Variants in RNF10 observed in about 807,000 individuals in gnomAD.
RNF10 encodes E3 ubiquitin-protein ligase RNF10.
RNF10 carries 38 observed loss-of-function variants against 91.4 expected under a neutral mutation model. That is an observed-to-expected ratio of 0.42 (90% confidence interval 0.32 to 0.54). RNF10 has a LOEUF of 0.54. Ranked by LOEUF, RNF10 falls within the 20% of genes least tolerant of loss-of-function variation. RNF10 has a pLI of 0.16. For synonymous variants in RNF10, 364 were observed against 366.3 expected (o/e 0.99, Z 0.07); for missense variants, 945 against 1,012.0 (o/e 0.93, Z 0.90).
chr12:120,571,020 T>C (rs1210599357), intron 13 of RNF10, among the ~76,000 whole-genome samples, 171 bp from the exon 14 acceptor site: 2 of 152,184 alleles, frequency 1.3e-5, no homozygotes, highest in Non-Finnish European at 2.9e-5. Flanking sequence ...GGTGATATTG[T>C]TGGCTTTTTA....
intron 6 of RNF10, among the ~76,000 whole-genome samples, chr12:120,559,597 A>C (rs1212168816): frequency 3.3e-5 from 5 of 151,814 alleles, no homozygotes; most frequent in Admixed American, 2.6e-4. Context: ...GTTGGCCAGC[A>C]TGGTCTCAAT....
intron 14 of RNF10, among the ~76,000 whole-genome samples, chr12:120,572,696 A>G (rs560833897): frequency 1.1e-4 from 17 of 151,404 alleles, no homozygotes; most frequent in Non-Finnish European, 2.2e-4. Context: ...CCCGGGTTCA[A>G]GCAATTCTCC....
At chr12:120,561,334 A>T (rs1320452094) in intron 7 of RNF10, among the ~76,000 whole-genome samples, 1 of 152,238 alleles carries the variant, frequency 6.6e-6, no homozygotes, top group Non-Finnish European at 1.5e-5. Context: ...GGCAAGAATT[A>T]CACAAGAACA....
rs997273067 is a variant in RNF10 at position 120,546,450 on chromosome 12, A to G, written c.203A>G (p.Glu68Gly). 6.2e-7 allele frequency: 1 copy of G among 1,614,054 alleles called. No homozygotes were observed. Among genetic ancestry groups the G allele is most frequent in the Non-Finnish European group, 8.5e-7 (1 of 1,179,996 alleles). The change falls in exon 2 of 17, where the codon GAA (glutamate) becomes GGA (glycine). Residue 68 changes from glutamate to glycine, a missense_variant. By Grantham distance (98) the Glu-to-Gly change is moderately conservative. Transcript: ENST00000325954. ...TCCAAGCGTTATAATCGCAAACGTG[A>G]ACTTTCCTACCCCAAAAATGAAAGT... The part of the protein sequence containing the change: ...SGSKRYNRKR[E>G]LSYPKNESFN...
In RNF10 at chr12:120,552,333, G is replaced by C. The variant is rs143295112; in HGVS notation, c.355-166G>C. Among the ~76,000 whole-genome samples the C allele has an allele frequency of 3.5e-3, 530 of 151,504 alleles. 7 individuals are homozygous for C. Among genetic ancestry groups the C allele is most frequent in the African/African-American group, 0.012 (513 of 41,288 alleles). ...GAGAGTCACTTGAACCTGGGAGGCA[G>C]AGGTTGCAGTGAGCCAAGATCGTGC... is the stretch of plus-strand genomic sequence containing the variant. On this transcript the variant is annotated intron_variant, in intron 2 of 16. Coordinates refer to ENST00000325954, the MANE Select transcript of RNF10 (RefSeq NM_014868.5).
At chr12:120,550,802 T>C (rs1306952200) in intron 2 of RNF10, among the ~76,000 whole-genome samples, 4 of 151,966 alleles carry the variant, frequency 2.6e-5, no homozygotes, top group East Asian at 1.9e-4. Context: ...TTCACTGTGT[T>C]AGCCAGGGTG....
chr12:120,565,029 T>G (rs1269230313), intron 10 of RNF10, 43 bp from the exon 11 acceptor site: 5 of 1,362,770 alleles, frequency 3.7e-6, no homozygotes, highest in Middle Eastern at 1.8e-4. Context: ...GCTTTCAGAG[T>G]TAGGCTTGCT....
chr12:120,552,549 T>C lies in RNF10; in HGVS notation c.405T>C (p.Pro135=). 1 of 1,614,212 alleles carries C rather than the reference T, an allele frequency of 6.2e-7. No individual in the cohort carries two copies. Among genetic ancestry groups the C allele is most frequent in the Non-Finnish European group, 8.5e-7 (1 of 1,180,032 alleles). ...TTAGCCCTGCCCAGTTCTCTGGTCC[T>C]AAGAAGATCAACCTGAACCACTTGT... ...AEFSPAQFSG[P]KKINLNHLLN... Residue 135 remains proline, a synonymous_variant, in exon 3 of 17, where the codon CCT becomes CCC. Coordinates refer to ENST00000325954, the MANE Select transcript of RNF10 (RefSeq NM_014868.5).
chr12:120,568,390 T>C (rs1367709585), intron 13 of RNF10, among the ~76,000 whole-genome samples: 2 of 152,214 alleles, frequency 1.3e-5, no homozygotes, highest in Non-Finnish European at 2.9e-5. Flanking sequence ...TAAAGTGTTA[T>C]GAAATTAAAC....
Position 120,576,802 on chromosome 12 carries a change from A to C in RNF10, c.*136A>C. 45 of 1,169,858 alleles carry C rather than the reference A, an allele frequency of 3.8e-5. No individual in the cohort carries two copies. The highest frequency in any genetic ancestry group is 1.8e-4 in the East Asian group (7 of 38,134). 72.5% of individuals were successfully genotyped at this position (1,169,858 alleles called of 1,614,324 possible). A position where few individuals can be genotyped will look rare whatever the true frequency, so the allele number is the denominator to read the frequency against. ...GCTCTGGGGGGAGGGGGTTTCCACA[A>C]TGTGAGGGGGAACCAAGAAAATTTT... is the stretch of plus-strand genomic sequence containing the variant. On this transcript the variant is annotated 3_prime_UTR_variant, in exon 17 of 17. Coordinates refer to ENST00000325954, the MANE Select transcript of RNF10 (RefSeq NM_014868.5).
chr12:120,542,677 C>G (rs1443627351), intron 1 of RNF10, among the ~76,000 whole-genome samples: 1 of 152,130 alleles, frequency 6.6e-6, no homozygotes, highest in East Asian at 1.9e-4. Flanking sequence ...CTTAGCCTCC[C>G]AAGTAGCTGG....
At position 120,566,800 on chromosome 12, in the gene RNF10, TA is replaced by T. The variant is rs542437934; in HGVS notation, c.1886-24del. 1,366 of 1,596,784 alleles carry T rather than the reference TA, an allele frequency of 8.6e-4. 9 individuals carry two copies. The African/African-American group carries it at 0.017, about 20-fold the overall frequency. On this transcript the variant is annotated intron_variant, in intron 12 of 16. Transcript: ENST00000325954. Reference sequence around the variant, plus strand: ...AAAAATTGAATTCTGTAAATGGGTTTACAAGGGTTATCTTTCCTTTGCAGAC... The same window carrying T: ...AAAAATTGAATTCTGTAAATGGGTTTCAAGGGTTATCTTTCCTTTGCAGAC...
At chr12:120,545,713 A>G (rs1872229179) in intron 1 of RNF10, among the ~76,000 whole-genome samples, 1 of 151,668 alleles carries the variant, frequency 6.6e-6, no homozygotes, top group African/African-American at 2.4e-5. Context: ...AATTTTTTGT[A>G]TTTTTAATAG....
chr12:120,552,083 CAA>C (rs563764429), intron 2 of RNF10, among the ~76,000 whole-genome samples: 10 of 86,406 alleles, frequency 1.2e-4, no homozygotes, highest in African/African-American at 1.0e-4. Context: ...GACTCTGTCT[CAA>C]AAAAAAAAAA....
At chr12:120,563,170 G>A in intron 8 of RNF10, 100 bp downstream of exon 8, 1 of 1,548,732 alleles carries the variant, frequency 6.5e-7, no homozygotes, top group Non-Finnish European at 8.9e-7. Flanking sequence ...AGAGAAGAGG[G>A]GACAATGAGT....
At chr12:120,552,835 C>A in intron 3 of RNF10, 137 bp downstream of exon 3, 2 of 727,326 alleles carry the variant, frequency 2.7e-6, no homozygotes, top group South Asian at 1.9e-5. Flanking sequence ...TTCTGTTCAC[C>A]ACTGCCCCGC....
At chr12:120,553,290 A>G (rs886122545) in intron 3 of RNF10, among the ~76,000 whole-genome samples, 1 of 150,118 alleles carries the variant, frequency 6.7e-6, no homozygotes, top group Non-Finnish European at 1.5e-5. Flanking sequence ...GGGTTTCACC[A>G]TATTGGCCAG....
At chr12:120,576,569 T>G in intron 16 of RNF10, 21 bp from the exon 17 acceptor site, 1 of 1,611,394 alleles carries the variant, frequency 6.2e-7, no homozygotes, top group Non-Finnish European at 8.5e-7. Context: ...AGTTAAGCTG[T>G]CTTTCTGTGT....
intron 4 of RNF10, among the ~76,000 whole-genome samples, chr12:120,556,607 A>G (rs1874066149): frequency 1.3e-5 from 2 of 151,264 alleles, no homozygotes; most frequent in Admixed American, 1.3e-4. Flanking sequence ...TGAGAATGAC[A>G]TAGCATAAAA....
Sources: gnomAD v4.1 joint callset for allele counts (sites outside exome capture counted in the v4.1 genomes callset) on GRCh38, gnomAD v4.1.1 for gene constraint, MANE v1.5 for transcripts, NCBI Gene and HGNC (gene_info 2026-07-23, HGNC 2026-07-21) for gene names.